The following ZKSCAN4 variants were observed in gnomAD, a reference collection of about 807,000 sequenced individuals.
ZKSCAN4 encodes zinc finger protein with KRAB and SCAN domains 4.
In ZKSCAN4, 23 loss-of-function variants were observed where a neutral mutation model predicts 30.8. That is an observed-to-expected ratio of 0.75 (90% confidence interval 0.54 to 1.06). ZKSCAN4 has a LOEUF of 1.06. ZKSCAN4 is among the 50% of genes least tolerant of loss of function. The pLI is 0.00. For missense variants in ZKSCAN4, 556 were observed against 665.4 expected, an observed-to-expected ratio of 0.84 and a Z score of 1.81; for synonymous variants, 208 against 252.5, an observed-to-expected ratio of 0.82 and a Z score of 1.67.
chr6:28,253,818 G>A (rs1448772265), upstream of ZKSCAN4, among the ~76,000 whole-genome samples: 1 of 152,154 alleles, frequency 6.6e-6, no homozygotes, highest in Non-Finnish European at 1.5e-5. The surrounding 1 kb of genome is among the most constrained non-coding windows in gnomAD (Gnocchi z 4.2). Flanking sequence ...TGATTCTAGT[G>A]CCTCAGCCAC....
chr6:28,254,947 T>C (rs138801327), upstream of ZKSCAN4, among the ~76,000 whole-genome samples: 7 of 152,368 alleles, frequency 4.6e-5, no homozygotes, highest in South Asian at 2.1e-4. Context: ...TTCAGTGCCC[T>C]GATTATAGAT....
At chr6:28,252,996 T>C (rs889653698), upstream of ZKSCAN4, among the ~76,000 whole-genome samples, 1 of 152,192 alleles carries the variant, frequency 6.6e-6, no homozygotes, top group Non-Finnish European at 1.5e-5. Context: ...ACCTGTGTAA[T>C]CCTGGCTTAC....
In ZKSCAN4 at chr6:28,252,244, C is replaced by T. The variant is rs1046494609; in HGVS notation, c.-264G>A. ...CTTTGGGAGTGAAAGTGATCACTCT[C>T]CAGACATAGGAGGGAAGTTGAGGCT... On this transcript the variant is annotated 5_prime_UTR_variant, in exon 1 of 5. Transcript: ENST00000377294. 5 of 315,310 alleles carry T rather than the reference C, an allele frequency of 1.6e-5. No individual in the cohort carries two copies. The highest frequency in any genetic ancestry group is 6.5e-5 in the African/African-American group (3 of 46,400). 19.5% of individuals were successfully genotyped at this position (315,310 alleles called of 1,614,324 possible).
In ZKSCAN4 at chr6:28,245,111, A is replaced by G; in HGVS notation, c.*5T>C. 1 of 1,614,078 alleles carries G rather than the reference A, an allele frequency of 6.2e-7. No homozygotes were observed. The highest frequency in any genetic ancestry group is 1.1e-5 in the South Asian group (1 of 91,054). On this transcript the variant is annotated 3_prime_UTR_variant, in exon 5 of 5. Coordinates refer to ENST00000377294, the MANE Select transcript of ZKSCAN4 (RefSeq NM_019110.5). ...GAGCACCAATGTTGGCATGAATACCATGGGTCACTGTGAAAGAGTTTTTTT... is the reference window on the plus strand; with the variant it reads ...GAGCACCAATGTTGGCATGAATACCGTGGGTCACTGTGAAAGAGTTTTTTT...
rs867555740 is a variant in ZKSCAN4 at position 28,245,483 on chromosome 6, T to C, written c.1271A>G (p.Lys424Arg). Reference sequence around the variant, plus strand: ...GTATGGCTTCTCCCCAGTATGAATTTTGTGATGTTCAAGGAGGCTGCAGCT... The same window carrying C: ...GTATGGCTTCTCCCCAGTATGAATTCTGTGATGTTCAAGGAGGCTGCAGCT... ...SQSCSLLEHH[K>R]IHTGEKPYQC... Residue 424 changes from lysine to arginine, a missense_variant, in exon 5 of 5, where the codon AAA (lysine) becomes AGA (arginine). Lys to Arg is a conservative substitution (Grantham distance 26, BLOSUM62 2). Transcript: ENST00000377294. 2 of 1,614,078 alleles carry C rather than the reference T, an allele frequency of 1.2e-6. No homozygotes were observed. The highest frequency in any genetic ancestry group is 1.7e-6 in the Non-Finnish European group (2 of 1,179,998).
upstream of ZKSCAN4, among the ~76,000 whole-genome samples, chr6:28,255,883 G>A (rs1057377693): frequency 6.6e-6 from 1 of 152,076 alleles, no homozygotes; most frequent in Non-Finnish European, 1.5e-5. Flanking sequence ...TCCTTCATTA[G>A]AAAACTAATG....
chr6:28,245,283 C>G lies in ZKSCAN4; in HGVS notation c.1471G>C (p.Glu491Gln), dbSNP rs1581577211. Residue 491 changes from glutamate to glutamine, a missense_variant, in exon 5 of 5, where the codon GAG becomes CAG. Physicochemically the swap from Glu to Gln is conservative, Grantham distance 29. Coordinates refer to ENST00000377294, the MANE Select transcript of ZKSCAN4 (RefSeq NM_019110.5). ...TEAPVSYKCNECERSFTRNRS... is the reference protein window; with the variant it reads ...TEAPVSYKCNQCERSFTRNRS... ...TTCCGTGTGAAACTTCTCTCACACT[C>G]ATTACATTTATAAGACACGGGAGCC... The G allele has an allele frequency of 1.2e-6, 2 of 1,613,982 alleles. No individual in the cohort carries two copies. Among genetic ancestry groups the G allele is most frequent in the African/African-American group, 1.3e-5 (1 of 74,978 alleles).
In ZKSCAN4 at chr6:28,243,138, G is replaced by A. The variant is rs1581574064; in HGVS notation, c.*1978C>T. On this transcript the variant is annotated 3_prime_UTR_variant, in exon 5 of 5. Coordinates refer to ENST00000377294, the MANE Select transcript of ZKSCAN4 (RefSeq NM_019110.5). ...TTGTGGAAATAACATAAATAAAGCT[G>A]ATTTTAAAGAAATTTGAAAAGGCTA... is the stretch of plus-strand genomic sequence containing the variant. Among the ~76,000 whole-genome samples, 1 of 152,164 alleles carries A rather than the reference G, an allele frequency of 6.6e-6. No individual in the cohort carries two copies.
At position 28,241,736 on chromosome 6, in the gene ZKSCAN4, A is replaced by G. The variant is rs904669329; in HGVS notation, c.*3380T>C. ...TAAAATATAGTCTTTATTATTAAAC[A>G]ATTATAATTCCTTTATTTGGAGGTT... On this transcript the variant is annotated 3_prime_UTR_variant, in exon 5 of 5. Coordinates refer to ENST00000377294, the MANE Select transcript of ZKSCAN4 (RefSeq NM_019110.5). 2.0e-5 allele frequency among the ~76,000 whole-genome samples: 3 copies of G among 152,198 alleles called. No individual in the cohort carries two copies. The highest frequency in any genetic ancestry group is 7.2e-5 in the African/African-American group (3 of 41,460).
intron 3 of ZKSCAN4, 63 bp from the exon 4 acceptor site, chr6:28,247,155 G>A: frequency 6.6e-7 from 1 of 1,504,776 alleles, no homozygotes; most frequent in Non-Finnish European, 8.9e-7. Context: ...AGCAAAGAAT[G>A]AACATCCCCT....
chr6:28,253,404 G>A (rs545089767), upstream of ZKSCAN4, among the ~76,000 whole-genome samples: 1 of 152,258 alleles, frequency 6.6e-6, no homozygotes, highest in African/African-American at 2.4e-5. The surrounding 1 kb of genome is among the most constrained non-coding windows in gnomAD (Gnocchi z 4.2). Flanking sequence ...CATAACTTAA[G>A]AAAATGAGAA....
rs1760698226 is a variant in ZKSCAN4 at position 28,245,801 on chromosome 6, C to G, written c.953G>C (p.Arg318Thr). ...TCCACATTCATGGCAATAATGTCGC[C>G]TACTCCCTATGGCATTTTTCTGCTT... ...QRKQKNAIGS[R>T]RHYCHECGKS... is the part of the protein sequence containing the mutation. The change falls in exon 5 of 5, where the codon AGG (arginine) becomes ACG (threonine). Residue 318 changes from arginine to threonine, a missense_variant. By Grantham distance (71) the Arg-to-Thr change is moderately conservative. Coordinates refer to ENST00000377294, the MANE Select transcript of ZKSCAN4 (RefSeq NM_019110.5). The G allele has an allele frequency of 6.2e-7, 1 of 1,614,098 alleles. No individual in the cohort carries two copies. Among genetic ancestry groups the G allele is most frequent in the Non-Finnish European group, 8.5e-7 (1 of 1,180,054 alleles).
chr6:28,251,783 G>T lies in ZKSCAN4; in HGVS notation c.198C>A (p.Gly66=), dbSNP rs372964684. Residue 66 remains glycine, a synonymous_variant, in exon 1 of 5, where the codon GGC becomes GGA. Coordinates refer to ENST00000377294, the MANE Select transcript of ZKSCAN4 (RefSeq NM_019110.5). This position sits in a 1 kb window ranked among gnomAD's most constrained non-coding sequence, Gnocchi z 4.5. The part of the protein sequence containing the change: ...FRGFRYPEAA[G]PREALSRLRE... ...GGAGCCGGCTCAACGCCTCGCGGGG[G>T]CCCGCAGCCTCCGGGTAGCGGAAGC... The T allele has an allele frequency of 9.3e-6, 15 of 1,613,890 alleles. No individual in the cohort carries two copies. The African/African-American group carries it at 1.9e-4, about 20-fold the overall frequency.
At chr6:28,247,196 T>G in intron 3 of ZKSCAN4, 104 bp from the exon 4 acceptor site, 5 of 1,323,810 alleles carry the variant, frequency 3.8e-6, no homozygotes, top group Non-Finnish European at 5.1e-6. Flanking sequence ...GGAGCAAGTG[T>G]GGCACACCTA....
chr6:28,246,868 T>A, intron 4 of ZKSCAN4, 101 bp downstream of exon 4: 1 of 1,379,074 alleles, frequency 7.3e-7, no homozygotes, highest in South Asian at 1.6e-5. Context: ...TGATTCTGAA[T>A]CCAAACATAA....
In ZKSCAN4 at chr6:28,245,370, G is replaced by A. The variant is rs1314335136; in HGVS notation, c.1384C>T (p.Pro462Ser). The change falls in exon 5 of 5, where the codon CCT (proline) becomes TCT (serine). Residue 462 changes from proline to serine, a missense_variant. By Grantham distance (74) the Pro-to-Ser change is moderately conservative. Coordinates refer to ENST00000377294, the MANE Select transcript of ZKSCAN4 (RefSeq NM_019110.5). ...CTTTCCCAGGACTCCCCGTGCTCAG[G>A]ATTCTGAACATTTTTATCACCATGA... ...RIHGDKNVQN[P>S]EHGESWESQG... is the part of the protein sequence containing the mutation. 2.5e-6 allele frequency: 4 copies of A among 1,614,222 alleles called. No individual in the cohort carries two copies. Among genetic ancestry groups the A allele is most frequent in the Non-Finnish European group, 2.5e-6 (3 of 1,180,046 alleles).
intron 1 of ZKSCAN4, among the ~76,000 whole-genome samples, chr6:28,250,289 G>A (rs1291081610): frequency 6.6e-6 from 1 of 152,078 alleles, no homozygotes; most frequent in Non-Finnish European, 1.5e-5. Context: ...GGCTGGTCTC[G>A]AACTCCCGAC....
chr6:28,242,066 A>AG lies in ZKSCAN4; in HGVS notation c.*3049dup, dbSNP rs1436901579. Among the ~76,000 whole-genome samples the AG allele has an allele frequency of 1.3e-5, 2 of 152,214 alleles. No homozygotes were observed. Among genetic ancestry groups the AG allele is most frequent in the African/African-American group, 4.8e-5 (2 of 41,464 alleles). ...AACCATTTACTATTCAAGCAAAGGG[A>AG]GAAAAAAGAAAATAGAAGATTTCTG... On this transcript the variant is annotated 3_prime_UTR_variant, in exon 5 of 5. Coordinates refer to ENST00000377294, the MANE Select transcript of ZKSCAN4 (RefSeq NM_019110.5).
chr6:28,252,734 T>G (rs1761062710), upstream of ZKSCAN4, among the ~76,000 whole-genome samples: 1 of 152,018 alleles, frequency 6.6e-6, no homozygotes, highest in African/African-American at 2.4e-5. Flanking sequence ...AAGGCCAGAC[T>G]ACTCCTCCCG....
Sources: allele counts gnomAD v4.1 joint callset (sites outside exome capture counted in the v4.1 genomes callset), GRCh38; gene constraint gnomAD v4.1.1; non-coding constraint Gnocchi (gnomAD v3.1); transcripts MANE v1.5; gene names NCBI Gene and HGNC (gene_info 2026-07-23, HGNC 2026-07-21).